The following LAMC3 variants were observed in gnomAD, a reference collection of about 807,000 sequenced individuals.
The protein encoded by LAMC3 is laminin subunit gamma-3.
In LAMC3, 128 loss-of-function variants were observed where a neutral mutation model predicts 173.8. The observed-to-expected ratio is 0.74, with a 90% CI of 0.64 to 0.85. LAMC3 has a LOEUF of 0.85. LAMC3 is among the 40% of genes least tolerant of loss of function. The pLI is 0.00. For missense variants in LAMC3, 2,022 were observed against 2,156.0 expected (o/e 0.94, Z 1.23); for synonymous variants, 897 against 909.1 (o/e 0.99, Z 0.24).
At chr9:131,046,240 T>C (rs1834155679) in intron 8 of LAMC3, among the ~76,000 whole-genome samples, 1 of 133,616 alleles carries the variant, frequency 7.5e-6, no homozygotes, top group Admixed American at 8.5e-5. Context: ...TCACCAAGGC[T>C]GAAGTGCAGT....
intron 13 of LAMC3, among the ~76,000 whole-genome samples, chr9:131,064,409 A>C (rs964588142): frequency 2.0e-5 from 3 of 152,236 alleles, no homozygotes; most frequent in African/African-American, 4.8e-5. Context: ...CACGCCTGTA[A>C]TCCCAGCACT....
intron 2 of LAMC3, among the ~76,000 whole-genome samples, chr9:131,031,143 G>A (rs1004044554): frequency 6.6e-5 from 10 of 152,248 alleles, no homozygotes; most frequent in Admixed American, 3.3e-4. Context: ...AGTCACGCTG[G>A]GGCAAAAAGA....
rs372132123 is a variant in LAMC3 at position 131,032,062 on chromosome 9, C to G, written c.696C>G (p.Thr232=). The G allele has an allele frequency of 5.6e-6, 9 of 1,614,086 alleles. No homozygotes were observed. The Admixed American group carries it at 1.3e-4, about 24-fold the overall frequency. The part of the protein sequence containing the change: ...SPGLQEWVTS[T]ELLISLDRLN... Reference sequence around the variant, plus strand: ...TGCCCCAGGAGTGGGTCACCAGCACCGAACTCCTCATCTCTCTAGACCGGC... The same window carrying G: ...TGCCCCAGGAGTGGGTCACCAGCACGGAACTCCTCATCTCTCTAGACCGGC... The change falls in exon 3 of 28, where the codon ACC becomes ACG. Residue 232 remains threonine (T), a synonymous_variant. Coordinates refer to ENST00000361069, the MANE Select transcript of LAMC3 (RefSeq NM_006059.4).
chr9:131,089,580 T>C (rs1421298878), intron 27 of LAMC3, among the ~76,000 whole-genome samples: 1 of 146,442 alleles, frequency 6.8e-6, no homozygotes, highest in Admixed American at 7.0e-5. Flanking sequence ...CAAAAAAATA[T>C]GTTCCCTATG....
intron 17 of LAMC3, among the ~76,000 whole-genome samples, chr9:131,070,991 G>A (rs1830027513): frequency 1.3e-5 from 2 of 152,238 alleles, no homozygotes; most frequent in East Asian, 1.9e-4. Flanking sequence ...ACTTCACTTA[G>A]AGCGGTGACA....
intron 5 of LAMC3, 34 bp downstream of exon 5, chr9:131,039,086 T>G: frequency 1.9e-6 from 3 of 1,612,340 alleles, no homozygotes; most frequent in Non-Finnish European, 2.5e-6. Context: ...CCTCCGACCC[T>G]CTCCCTTTCC....
At chr9:131,070,827 C>T (rs573042945) in intron 17 of LAMC3, among the ~76,000 whole-genome samples, 4 of 152,314 alleles carry the variant, frequency 2.6e-5, no homozygotes, top group Non-Finnish European at 4.4e-5. Flanking sequence ...ACTATTTCCA[C>T]GAAGTGGGTA....
At position 131,026,507 on chromosome 9, in the gene LAMC3, C is replaced by T. The variant is rs150291823; in HGVS notation, c.596C>T (p.Pro199Leu). 9.3e-6 allele frequency: 15 copies of T among 1,613,012 alleles called. No homozygotes were observed. The highest frequency in any genetic ancestry group is 5.3e-5 in the African/African-American group (4 of 75,038). The change falls in exon 2 of 28, where the codon CCG becomes CTG. Residue 199 changes from proline (P) to leucine (L), a missense_variant. By Grantham distance (98) the Pro-to-Leu change is moderately conservative. Coordinates refer to ENST00000361069, the MANE Select transcript of LAMC3 (RefSeq NM_006059.4). The surrounding 1 kb of genome is among the most constrained non-coding windows in gnomAD (Gnocchi z 4.8). The part of the protein sequence containing the change: ...FCTSEFSDIS[P>L]LSGGNVAFST... ...ACCTCTGAGTTCAGCGACATCTCCCCGCTGAGTGGCGGCAACGTGGCCTTC... is the reference window on the plus strand; with the variant it reads ...ACCTCTGAGTTCAGCGACATCTCCCTGCTGAGTGGCGGCAACGTGGCCTTC...
intron 8 of LAMC3, 45 bp downstream of exon 8, chr9:131,045,705 G>C: frequency 6.2e-7 from 1 of 1,609,160 alleles, no homozygotes; most frequent in Non-Finnish European, 8.5e-7. Context: ...TCTGCTCCCA[G>C]CCTAGGCAGG....
At chr9:131,078,364 C>T (rs562472841) in intron 22 of LAMC3, among the ~76,000 whole-genome samples, 36 of 152,146 alleles carry the variant, frequency 2.4e-4, no homozygotes, top group African/African-American at 8.4e-4. Context: ...TGGTGGCGGG[C>T]GTCTGTAGTC....
chr9:131,019,400 C>A (rs7868734), intron 1 of LAMC3, among the ~76,000 whole-genome samples: 5 of 152,080 alleles, frequency 3.3e-5, no homozygotes, highest in Non-Finnish European at 5.9e-5. Context: ...AATGCTTGCC[C>A]GATGAATGAG....
At position 131,042,789 on chromosome 9, in the gene LAMC3, C is replaced by T. The variant is rs12005109; in HGVS notation, c.1382+1054C>T. On this transcript the variant is annotated intron_variant, in intron 7 of 27. Transcript: ENST00000361069. ...CATAGCAGACATCATTCATGGAGCA[C>T]TGTCAACACACCCCTTTCACACCCA... Among the ~76,000 whole-genome samples, 964 of 149,936 alleles carry T rather than the reference C, an allele frequency of 6.4e-3. 8 individuals are homozygous for T. Among genetic ancestry groups the T allele is most frequent in the African/African-American group, 0.022 (913 of 40,608 alleles).
rs574622799 is a variant in LAMC3, at chr9:131,062,604, C to A, written c.2347+1381C>A. Among the ~76,000 whole-genome samples, 4 of 152,278 alleles carry A rather than the reference C, an allele frequency of 2.6e-5. 1 individual carries two copies. The East Asian group carries it at 7.7e-4, about 29-fold the overall frequency. On this transcript the variant is annotated intron_variant, in intron 13 of 27. Coordinates refer to ENST00000361069, the MANE Select transcript of LAMC3 (RefSeq NM_006059.4). ...GTTGTTGAGGCCAGGCGCAGTGGCT[C>A]ATGCCTGTAATCTCAGCACTTTGCG...
chr9:131,093,711 G>A lies in LAMC3; in HGVS notation c.*1924G>A, dbSNP rs907247910. On this transcript the variant is annotated 3_prime_UTR_variant, in exon 28 of 28. Coordinates refer to ENST00000361069, the MANE Select transcript of LAMC3 (RefSeq NM_006059.4). ...GGAGATAGCCTAGGGAGGGGAGCCT[G>A]AGGCTTCCGGGATAGGTTGGCTTCC... 7 of 152,406 alleles carry A rather than the reference G, an allele frequency of 4.6e-5. No individual in the cohort carries two copies. Among genetic ancestry groups the A allele is most frequent in the African/African-American group, 1.7e-4 (7 of 41,574 alleles). 9.4% of individuals were successfully genotyped at this position (152,406 alleles called of 1,614,324 possible).
At chr9:131,031,045 G>A (rs1833814212) in intron 2 of LAMC3, among the ~76,000 whole-genome samples, 1 of 152,228 alleles carries the variant, frequency 6.6e-6, no homozygotes, top group Non-Finnish European at 1.5e-5. Context: ...CCCTCTCCCT[G>A]GCCAAGGCAT....
In LAMC3 at chr9:131,052,965, G is replaced by T. The variant is rs144242690; in HGVS notation, c.1939G>T (p.Gly647Cys). The change falls in exon 11 of 28, where the codon GGT becomes TGT. Residue 647 changes from glycine (G) to cysteine (C), a missense_variant and splice_region_variant. Coordinates refer to ENST00000361069, the MANE Select transcript of LAMC3 (RefSeq NM_006059.4). ...LRVSPGPSPA[G>C]PVFLTEVRLT... ...CGTCAGTCCCGGCCCCAGCCCTGCCGGTCAGTAAAGACAACCACATGCCCA... is the reference window on the plus strand; with the variant it reads ...CGTCAGTCCCGGCCCCAGCCCTGCCTGTCAGTAAAGACAACCACATGCCCA... 1.6e-5 allele frequency: 25 copies of T among 1,607,172 alleles called. No homozygotes were observed. Among genetic ancestry groups the T allele is most frequent in the Non-Finnish European group, 1.8e-5 (21 of 1,175,436 alleles).
chr9:131,054,419 G>A (rs1198555969), intron 11 of LAMC3, among the ~76,000 whole-genome samples: 2 of 152,130 alleles, frequency 1.3e-5, no homozygotes, highest in East Asian at 1.9e-4. Flanking sequence ...ACCTTTCTGT[G>A]TGTACGTACT....
At chr9:131,067,724 C>G (rs1829964281) in intron 14 of LAMC3, among the ~76,000 whole-genome samples, 1 of 152,212 alleles carries the variant, frequency 6.6e-6, no homozygotes, top group African/African-American at 2.4e-5. Context: ...GAGATGCTCC[C>G]CTGGCAGTGG....
Position 131,061,143 on chromosome 9 carries a change from C to T in LAMC3, c.2267C>T (p.Pro756Leu). 1 of 1,613,452 alleles carries T rather than the reference C, an allele frequency of 6.2e-7. No individual in the cohort carries two copies. The highest frequency in any genetic ancestry group is 1.1e-5 in the South Asian group (1 of 91,082). Reference protein sequence around the residue: ...AGQADDCQPCPCPGQSACTTI... With the variant: ...AGQADDCQPCLCPGQSACTTI... ...CAAGCCGACGACTGCCAGCCCTGTC[C>T]CTGCCCTGGCCAGTCGGCCTGTACG... Residue 756 changes from proline (P) to leucine (L), a missense_variant, in exon 13 of 28, where the codon CCC becomes CTC. By Grantham distance (98) the Pro-to-Leu change is moderately conservative. Transcript: ENST00000361069.
Sources: gnomAD v4.1 joint callset for allele counts (sites outside exome capture counted in the v4.1 genomes callset) on GRCh38, gnomAD v4.1.1 for gene constraint, Gnocchi (gnomAD v3.1) non-coding constraint, MANE v1.5 for transcripts, NCBI Gene and HGNC (gene_info 2026-07-23, HGNC 2026-07-21) for gene names.